LRRD1: variants seen among roughly 807,000 people sequenced by gnomAD.
The protein encoded by LRRD1 is leucine-rich repeat and death domain-containing protein 1.
A neutral mutation model predicts 69.5 loss-of-function variants in LRRD1; 49 were observed. The ratio of observed to expected loss-of-function variants is 0.70; its 90% CI spans 0.56 to 0.89. LRRD1 has a LOEUF of 0.89. Among genes scored for constraint, LRRD1 ranks in the 40% least tolerant of loss-of-function variants. The pLI is 0.00. For synonymous variants in LRRD1, 303 were observed against 338.9 expected (o/e 0.89, Z 1.16); for missense variants, 853 against 956.0 (o/e 0.89, Z 1.42).
chr7:92,159,118 C>A lies in LRRD1; in HGVS notation c.2003G>T (p.Arg668Ile). ...ISNNAIREIPRNIGELRNLVS... is the reference protein window; with the variant it reads ...ISNNAIREIPINIGELRNLVS... ...CAAATTTCTCAATTCTCCTATATTT[C>A]TTGGAATCTCTCTGATTGCATTATT... The change falls in exon 3 of 6, where the codon AGA (arginine) becomes ATA (isoleucine). Residue 668 changes from arginine to isoleucine, a missense_variant. Around this residue, in one of 3 missense-constraint regions of LRRD1, gnomAD observed 739 missense variants for 808.0 expected, o/e 0.91. Transcript: ENST00000458448. 1 of 1,547,822 alleles carries A rather than the reference C, an allele frequency of 6.5e-7. No individual in the cohort carries two copies. Among genetic ancestry groups the A allele is most frequent in the Non-Finnish European group, 8.7e-7 (1 of 1,145,308 alleles).
chr7:92,144,293 G>A (rs921121941), downstream of LRRD1, among the ~76,000 whole-genome samples: 1 of 152,010 alleles, frequency 6.6e-6, no homozygotes, highest in Admixed American at 6.6e-5. Flanking sequence ...CTTATAAATC[G>A]GGGGTTGTAT....
intron 3 of LRRD1, among the ~76,000 whole-genome samples, chr7:92,153,321 T>C (rs1440879694): frequency 6.6e-6 from 1 of 152,112 alleles, no homozygotes; most frequent in Admixed American, 6.5e-5. Context: ...TGCCTCAGCC[T>C]CTCAAAGTGC....
At chr7:92,163,242 C>G in intron 2 of LRRD1, 44 bp downstream of exon 2, 1 of 1,235,028 alleles carries the variant, frequency 8.1e-7, no homozygotes. Context: ...CTGATCCTCT[C>G]CAGTCTCTCC....
Position 92,164,521 on chromosome 7 carries a change from T to C in LRRD1, c.682A>G (p.Lys228Glu), listed in dbSNP as rs368088048. 26 of 1,549,490 alleles carry C rather than the reference T, an allele frequency of 1.7e-5. No individual in the cohort carries two copies. Among genetic ancestry groups the C allele is most frequent in the Middle Eastern group, 1.7e-4 (1 of 5,990 alleles). Residue 228 changes from lysine (K) to glutamate (E), a missense_variant, in exon 2 of 6, where the codon AAA (lysine) becomes GAA (glutamate). Physicochemically the swap from Lys to Glu is moderately conservative, Grantham distance 56. Around this residue, in one of 3 missense-constraint regions of LRRD1, gnomAD observed 739 missense variants for 808.0 expected, o/e 0.91. Transcript: ENST00000458448. Reference sequence around the variant, plus strand: ...ATATTCCCAAGCTGAGATATTTCTTTAGGTATATGTGATATGTGGTTATGA... The same window carrying C: ...ATATTCCCAAGCTGAGATATTTCTTCAGGTATATGTGATATGTGGTTATGA... The part of the protein sequence containing the change: ...VSHNHISHIP[K>E]EISQLGNIRQ...
chr7:92,158,627 T>C lies in LRRD1; in HGVS notation c.2116+378A>G, dbSNP rs116583572. Among the ~76,000 whole-genome samples the C allele has an allele frequency of 2.2e-3, 329 of 152,180 alleles. 1 individual carries two copies. The highest frequency in any genetic ancestry group is 7.7e-3 in the African/African-American group (321 of 41,512). ...CTCCATGTAAGGTATTAGAGTATTA[T>C]AGGGTATAGGAGAAGTATCAGGGGA... On this transcript the variant is annotated intron_variant, in intron 3 of 5. Transcript: ENST00000458448.
At chr7:92,173,011 A>G (rs1470439601) in intron 1 of LRRD1, among the ~76,000 whole-genome samples, 1 of 152,222 alleles carries the variant, frequency 6.6e-6, no homozygotes, top group African/African-American at 2.4e-5. Flanking sequence ...AGACCAATGG[A>G]ATAGAATACA....
chr7:92,145,385 A>T (rs927541213), intron 5 of LRRD1, among the ~76,000 whole-genome samples: 1 of 151,538 alleles, frequency 6.6e-6, no homozygotes, highest in Non-Finnish European at 1.5e-5. Flanking sequence ...CCTCAAAATC[A>T]TAATTGTGGG....
At position 92,163,887 on chromosome 7, in the gene LRRD1, T is replaced by C; in HGVS notation, c.1316A>G (p.His439Arg). The C allele has an allele frequency of 2.6e-6, 4 of 1,526,330 alleles. No homozygotes were observed. The highest frequency in any genetic ancestry group is 3.5e-6 in the Non-Finnish European group (4 of 1,138,578). The allele number at this position is 1,526,330 out of a possible 1,614,324, so 94.5% of individuals were successfully genotyped here. Reference protein sequence around the residue: ...NMVKITDCISHLNNICSLEFS... With the variant: ...NMVKITDCISRLNNICSLEFS... ...TTCTAGACTGCATATGTTATTAAGA[T>C]GTGAGATACAGTCAGTTATTTTTAC... is the stretch of plus-strand genomic sequence containing the variant. The change falls in exon 2 of 6, where the codon CAT (histidine) becomes CGT (arginine). Residue 439 changes from histidine to arginine, a missense_variant. Around this residue, in one of 3 missense-constraint regions of LRRD1, gnomAD observed 739 missense variants for 808.0 expected, o/e 0.91. Transcript: ENST00000458448.
intron 4 of LRRD1, among the ~76,000 whole-genome samples, chr7:92,150,083 C>T (rs1034008982): frequency 1.3e-5 from 2 of 152,160 alleles, no homozygotes; most frequent in Non-Finnish European, 2.9e-5. Flanking sequence ...AACTCCTAAA[C>T]TTAAGAAAAG....
At chr7:92,157,829 G>A (rs1375240211) in intron 3 of LRRD1, among the ~76,000 whole-genome samples, 1 of 151,410 alleles carries the variant, frequency 6.6e-6, no homozygotes, top group East Asian at 1.9e-4. Context: ...CGCCCCCCTC[G>A]GCCTCCCAAA....
Position 92,145,041 on chromosome 7 carries a change from T to G in LRRD1, c.2430A>C (p.Ala810=), listed in dbSNP as rs1222053564. The change falls in exon 6 of 6, where the codon GCA becomes GCC. Residue 810 remains alanine (A), a synonymous_variant. Transcript: ENST00000458448. ...TACTTTGTGTTTTCCATATAACAAG[T>G]GCTTGGTGGGCTCTCTCACTTAATG... is the stretch of plus-strand genomic sequence containing the variant. ...TVSLSERAHQ[A]LVIWKTQSNK... 1 of 1,513,712 alleles carries G rather than the reference T, an allele frequency of 6.6e-7. No individual in the cohort carries two copies. Among genetic ancestry groups the G allele is most frequent in the Non-Finnish European group, 8.9e-7 (1 of 1,125,044 alleles). The allele number at this position is 1,513,712 out of a possible 1,614,324, so 93.8% of individuals were successfully genotyped here.
chr7:92,152,695 G>A (rs1010396100), intron 3 of LRRD1, among the ~76,000 whole-genome samples: 3 of 149,036 alleles, frequency 2.0e-5, no homozygotes, highest in Non-Finnish European at 3.0e-5. Context: ...TTTTTGGATG[G>A]AGTCTCGCTC....
chr7:92,157,061 T>G (rs1013916062), intron 3 of LRRD1, among the ~76,000 whole-genome samples: 1 of 150,850 alleles, frequency 6.6e-6, no homozygotes, highest in Non-Finnish European at 1.5e-5. Context: ...GATGAGGTCT[T>G]GTTTTGTTGC....
chr7:92,161,707 T>C (rs941010787), intron 2 of LRRD1, among the ~76,000 whole-genome samples: 1 of 152,222 alleles, frequency 6.6e-6, no homozygotes, highest in Admixed American at 6.5e-5. Context: ...TCATGAGTTT[T>C]AGCCTGGCAG....
intron 3 of LRRD1, among the ~76,000 whole-genome samples, 153 bp from the exon 4 acceptor site, chr7:92,150,848 A>C (rs1765851960): frequency 6.6e-6 from 1 of 152,234 alleles, no homozygotes; most frequent in South Asian, 2.1e-4. Context: ...TGCTAAGAGC[A>C]AAAAAGAGTG....
Position 92,154,817 on chromosome 7 carries a change from C to T in LRRD1, c.2117-4122G>A, listed in dbSNP as rs145648279. On this transcript the variant is annotated intron_variant, in intron 3 of 5. Transcript: ENST00000458448. ...TTGGATTACAGTAGTTCCTCCTTAT[C>T]CATGGGAGATACCTTCCAAGACCCC... 3.1e-3 allele frequency among the ~76,000 whole-genome samples: 476 copies of T among 152,242 alleles called. 1 individual carries two copies. The highest frequency in any genetic ancestry group is 5.0e-3 in the Non-Finnish European group (342 of 68,022).
intron 3 of LRRD1, among the ~76,000 whole-genome samples, chr7:92,151,782 C>T (rs1046207895): frequency 6.6e-6 from 1 of 152,008 alleles, no homozygotes; most frequent in Admixed American, 6.6e-5. Flanking sequence ...AACCCCATCT[C>T]TACTAAAGAT....
At chr7:92,177,764 C>T (rs1199590663) in intron 1 of LRRD1, among the ~76,000 whole-genome samples, 1 of 152,204 alleles carries the variant, frequency 6.6e-6, no homozygotes, top group Non-Finnish European at 1.5e-5. Flanking sequence ...ACCATTTTCT[C>T]TAAACTATTT....
chr7:92,148,750 A>G (rs1462128846), intron 4 of LRRD1, among the ~76,000 whole-genome samples: 1 of 152,114 alleles, frequency 6.6e-6, no homozygotes, highest in Non-Finnish European at 1.5e-5. Context: ...TTACCATAAA[A>G]GATCCTTTCA....
Sources: gnomAD v4.1 joint callset for allele counts (sites outside exome capture counted in the v4.1 genomes callset) on GRCh38, gnomAD v4.1.1 for gene constraint, gnomAD v4.1.1 regional missense constraint, MANE v1.5 for transcripts, NCBI Gene and HGNC (gene_info 2026-07-23, HGNC 2026-07-21) for gene names.